The following XKR9 variants were observed in gnomAD, a reference collection of about 807,000 sequenced individuals.
The protein encoded by XKR9 is XK related 9.
Under a neutral mutation model 32.0 loss-of-function variants are expected in XKR9, and 32 were observed. The observed-to-expected ratio is 1.00, with a 90% confidence interval of 0.76 to 1.34. XKR9 has a LOEUF of 1.34. Among genes scored for constraint, XKR9 ranks in the 40% most tolerant of loss-of-function variants. The probability of loss-of-function intolerance (pLI) is 0.00; values close to 1 mark genes in which losing one functional copy is unlikely to be tolerated. For missense variants in XKR9, 546 were observed against 429.7 expected (o/e 1.27, Z -2.39); for synonymous variants, 168 against 143.4 (o/e 1.17, Z -1.22).
At chr8:70,922,139 C>T in the XKR9 span, among the ~76,000 whole-genome samples, 1 of 152,184 alleles carries the variant, frequency 6.6e-6, no homozygotes, top group African/African-American at 2.4e-5. Context: ...CTGTATACCT[C>T]TGAGGAATAA....
At chr8:71,063,845 T>TAA in the XKR9 span, among the ~76,000 whole-genome samples, 1 of 152,222 alleles carries the variant, frequency 6.6e-6, no homozygotes, top group South Asian at 2.1e-4. Flanking sequence ...TTTTCAATTC[T>TAA]AAAAAATAGA....
chr8:70,804,390 T>A, the XKR9 span, among the ~76,000 whole-genome samples: 1 of 152,266 alleles, frequency 6.6e-6, no homozygotes, highest in African/African-American at 2.4e-5. Flanking sequence ...GGAGTTAACT[T>A]TTATATACAG....
intron 4 of XKR9, among the ~76,000 whole-genome samples, chr8:70,731,599 C>T: frequency 6.6e-6 from 1 of 152,128 alleles, no homozygotes; most frequent in Non-Finnish European, 1.5e-5. Context: ...CATTCAGCAC[C>T]CAATATCAAC....
chr8:70,942,264 C>A, the XKR9 span, among the ~76,000 whole-genome samples: 4 of 152,156 alleles, frequency 2.6e-5, no homozygotes, highest in African/African-American at 9.7e-5. Context: ...GAACACATCA[C>A]CCTGCAGCTA....
intron 4 of XKR9, among the ~76,000 whole-genome samples, chr8:70,714,289 A>G (rs1246102577): frequency 6.6e-6 from 1 of 152,180 alleles, no homozygotes; most frequent in Non-Finnish European, 1.5e-5. Flanking sequence ...TACAGTCCAT[A>G]AAAGATATTA....
At chr8:70,927,053 C>T in the XKR9 span, among the ~76,000 whole-genome samples, 192 of 151,334 alleles carry the variant, frequency 1.3e-3, 1 homozygote, top group African/African-American at 4.4e-3. Flanking sequence ...GTATAAGATA[C>T]ATTTTATAAA....
At chr8:70,722,385 A>G (rs187504245) in intron 4 of XKR9, among the ~76,000 whole-genome samples, 9 of 152,288 alleles carry the variant, frequency 5.9e-5, no homozygotes, top group African/African-American at 2.2e-4. Context: ...CAGTTTCTTC[A>G]TAGTGTCATA....
the XKR9 span, among the ~76,000 whole-genome samples, chr8:70,828,731 A>G: frequency 1.8e-4 from 9 of 51,404 alleles, no homozygotes; most frequent in Non-Finnish European, 4.9e-4. Context: ...AAAAAAAAAG[A>G]AAAAAAAAAA....
At chr8:70,923,248 A>G in the XKR9 span, among the ~76,000 whole-genome samples, 1 of 152,264 alleles carries the variant, frequency 6.6e-6, no homozygotes, top group Non-Finnish European at 1.5e-5. Context: ...TAACACAGAT[A>G]TATGAACAAT....
intron 2 of XKR9, among the ~76,000 whole-genome samples, chr8:70,755,826 G>C (rs1033309669): frequency 5.3e-5 from 8 of 151,208 alleles, no homozygotes; most frequent in African/African-American, 1.9e-4. Flanking sequence ...CGAGTTAATG[G>C]GTGCAGCACA....
the XKR9 span, among the ~76,000 whole-genome samples, chr8:70,905,564 A>G: frequency 6.6e-6 from 1 of 152,090 alleles, no homozygotes; most frequent in African/African-American, 2.4e-5. Context: ...ATGAGTTCAG[A>G]CATCCTCCTT....
the XKR9 span, among the ~76,000 whole-genome samples, chr8:70,889,933 C>A: frequency 6.6e-6 from 1 of 151,932 alleles, no homozygotes; most frequent in African/African-American, 2.4e-5. Flanking sequence ...TGGATATATA[C>A]CCAGTAATGG....
intron 2 of XKR9, among the ~76,000 whole-genome samples, chr8:70,779,775 G>A (rs754598388): frequency 6.6e-6 from 1 of 152,130 alleles, no homozygotes; most frequent in African/African-American, 2.4e-5. Flanking sequence ...ATGGTAGTTT[G>A]TATTTCTGTG....
the XKR9 span, among the ~76,000 whole-genome samples, chr8:70,980,837 T>G: frequency 6.6e-6 from 1 of 152,236 alleles, no homozygotes; most frequent in South Asian, 2.1e-4. Flanking sequence ...GGCTTTGTAG[T>G]GGCAAATTAT....
chr8:70,910,765 CAA>C, the XKR9 span, among the ~76,000 whole-genome samples: 1 of 152,232 alleles, frequency 6.6e-6, no homozygotes, highest in Non-Finnish European at 1.5e-5. Flanking sequence ...AGGCTAAAAT[CAA>C]AGTGTCTTAT....
the XKR9 span, among the ~76,000 whole-genome samples, chr8:70,814,173 C>A: frequency 1.0e-3 from 156 of 152,176 alleles, 1 homozygote; most frequent in Middle Eastern, 6.8e-3. Context: ...AACCATCATT[C>A]TCAGCAAACT....
chr8:70,896,397 C>T, the XKR9 span, among the ~76,000 whole-genome samples: 4 of 151,788 alleles, frequency 2.6e-5, no homozygotes, highest in African/African-American at 7.3e-5. Flanking sequence ...GATTTTCTAT[C>T]TCTTTTTGAG....
the XKR9 span, among the ~76,000 whole-genome samples, chr8:70,874,449 T>G: frequency 1.3e-5 from 2 of 152,194 alleles, no homozygotes; most frequent in African/African-American, 2.4e-5. Flanking sequence ...AATAAACCAG[T>G]AAGATAGTAA....
the XKR9 span, among the ~76,000 whole-genome samples, chr8:70,805,605 A>G: frequency 1.3e-5 from 2 of 152,176 alleles, no homozygotes; most frequent in African/African-American, 2.4e-5. Context: ...GTCCCAAGAC[A>G]TGTTCCCCCA....
Sources: allele counts gnomAD v4.1 joint callset (sites outside exome capture counted in the v4.1 genomes callset), GRCh38; gene constraint gnomAD v4.1.1; transcripts MANE v1.5; gene names NCBI Gene and HGNC (gene_info 2026-07-23, HGNC 2026-07-21).